AFG2A: variants seen among roughly 807,000 people sequenced by gnomAD.
AFG2A encodes AAA ATPase AFG2A.
the AFG2A span, among the ~76,000 whole-genome samples, chr4:122,943,682 T>C: frequency 6.6e-6 from 1 of 152,178 alleles, no homozygotes; most frequent in Non-Finnish European, 1.5e-5. Context: ...GTCATTATGA[T>C]GTTAGCTGGT....
At chr4:123,222,751 A>C in the AFG2A span, among the ~76,000 whole-genome samples, 1 of 152,150 alleles carries the variant, frequency 6.6e-6, no homozygotes, top group Admixed American at 6.6e-5. Flanking sequence ...CTATGAATTT[A>C]TCTATTTTAG....
chr4:123,013,029 C>T, the AFG2A span, among the ~76,000 whole-genome samples: 6 of 151,976 alleles, frequency 3.9e-5, no homozygotes, highest in South Asian at 6.2e-4. Flanking sequence ...TGGGTGTCGG[C>T]GGGCTGAGTC....
the AFG2A span, among the ~76,000 whole-genome samples, chr4:123,105,316 A>G: frequency 1.3e-5 from 2 of 151,674 alleles, no homozygotes; most frequent in African/African-American, 4.8e-5. Context: ...ATTGCTGAGG[A>G]AAAAAAAAGA....
chr4:122,929,406 A>G, the AFG2A span, among the ~76,000 whole-genome samples: 2 of 152,216 alleles, frequency 1.3e-5, no homozygotes, highest in African/African-American at 4.8e-5. Flanking sequence ...AAAAATTACC[A>G]ATAAGGGCTG....
chr4:122,951,089 T>C, the AFG2A span, among the ~76,000 whole-genome samples: 4 of 152,050 alleles, frequency 2.6e-5, no homozygotes, highest in African/African-American at 9.7e-5. Context: ...TTGGTGTAGA[T>C]GCAGTGTGGG....
At chr4:123,031,632 C>G in the AFG2A span, among the ~76,000 whole-genome samples, 1 of 152,158 alleles carries the variant, frequency 6.6e-6, no homozygotes, top group African/African-American at 2.4e-5. Flanking sequence ...TAGACATACA[C>G]TAGAATTCTC....
the AFG2A span, among the ~76,000 whole-genome samples, chr4:123,125,240 A>G: frequency 6.6e-6 from 1 of 152,206 alleles, no homozygotes; most frequent in African/African-American, 2.4e-5. Context: ...TTCTAGCTAG[A>G]AAGACAGTAT....
the AFG2A span, among the ~76,000 whole-genome samples, chr4:123,179,347 G>A: frequency 6.2e-5 from 9 of 146,080 alleles, no homozygotes; most frequent in African/African-American, 2.0e-4. Context: ...ACTTATATAT[G>A]TCTGTAAGTA....
chr4:123,239,582 C>T, the AFG2A span, among the ~76,000 whole-genome samples: 1 of 152,118 alleles, frequency 6.6e-6, no homozygotes, highest in Non-Finnish European at 1.5e-5. Flanking sequence ...CCAAACTAAG[C>T]TTCATAAGTG....
chr4:123,307,209 G>A, the AFG2A span, among the ~76,000 whole-genome samples: 1 of 152,132 alleles, frequency 6.6e-6, no homozygotes, highest in African/African-American at 2.4e-5. Context: ...GTCTTGCAGT[G>A]TTGCCCAGCG....
chr4:123,175,872 G>C, the AFG2A span, among the ~76,000 whole-genome samples: 2 of 152,192 alleles, frequency 1.3e-5, 1 homozygote, highest in South Asian at 4.1e-4. Flanking sequence ...CATACACCTG[G>C]AGTGGAACAA....
the AFG2A span, among the ~76,000 whole-genome samples, chr4:123,207,382 C>T: frequency 7.4e-5 from 11 of 149,104 alleles, no homozygotes; most frequent in East Asian, 1.4e-3. Context: ...CGCAATCACA[C>T]GGCACATTGC....
At chr4:123,069,940 T>C in the AFG2A span, among the ~76,000 whole-genome samples, 3 of 152,332 alleles carry the variant, frequency 2.0e-5, no homozygotes, top group African/African-American at 7.2e-5. Context: ...CTCATAGTTA[T>C]GAAGGATTTC....
At chr4:123,173,357 T>TTTTTTTTTC in the AFG2A span, among the ~76,000 whole-genome samples, 5 of 121,564 alleles carry the variant, frequency 4.1e-5, no homozygotes, top group African/African-American at 1.2e-4. Context: ...TTTTTTTTTT[T>TTTTTTTTTC]TTTTTTTTTT....
the AFG2A span, among the ~76,000 whole-genome samples, chr4:123,050,790 A>T: frequency 6.7e-6 from 1 of 149,302 alleles, no homozygotes; most frequent in African/African-American, 2.5e-5. Context: ...TTTCGCCCAG[A>T]CTGGAGTGCA....
chr4:122,961,823 C>A, the AFG2A span, among the ~76,000 whole-genome samples: 1 of 152,158 alleles, frequency 6.6e-6, no homozygotes, highest in East Asian at 1.9e-4. Context: ...TCTTGCTGAA[C>A]TTTGGGTCAT....
chr4:122,923,101 G>T, the AFG2A span: 1 of 1,611,084 alleles, frequency 6.2e-7, no homozygotes, highest in Non-Finnish European at 8.5e-7. Flanking sequence ...CGCGCACATT[G>T]AGTCGGCTTT....
chr4:122,938,349 A>G, the AFG2A span: 1 of 1,274,790 alleles, frequency 7.8e-7, no homozygotes, highest in Non-Finnish European at 1.0e-6. Context: ...TGGATATTTT[A>G]GGATAAAGGA....
the AFG2A span, among the ~76,000 whole-genome samples, chr4:122,942,612 GT>G: frequency 1.9e-4 from 29 of 152,172 alleles, 1 homozygote; most frequent in East Asian, 3.1e-3. Context: ...GTTTTGAAGG[GT>G]TTTTTTATGT....
Sources: allele counts gnomAD v4.1 joint callset (sites outside exome capture counted in the v4.1 genomes callset), GRCh38; gene constraint gnomAD v4.1.1; transcripts MANE v1.5; gene names NCBI Gene and HGNC (gene_info 2026-07-23, HGNC 2026-07-21).